HMG20B: variants seen among roughly 807,000 people sequenced by gnomAD.
HMG20B encodes the protein SWI/SNF-related matrix-associated actin-dependent regulator of chromatin subfamily E member 1-related.
HMG20B carries 24 observed loss-of-function variants against 41.6 expected under a neutral mutation model. The ratio of observed to expected loss-of-function variants is 0.58; its 90% confidence interval spans 0.42 to 0.81. The LOEUF (loss-of-function observed/expected upper bound fraction) is 0.81. Ranked by LOEUF, HMG20B falls within the 30% of genes least tolerant of loss-of-function variation. The pLI is 0.00. For synonymous variants in HMG20B, 251 were observed against 186.6 expected, an observed-to-expected ratio of 1.34 and a Z score of -2.81; for missense variants, 461 against 444.0, an observed-to-expected ratio of 1.04 and a Z score of -0.34.
chr19:3,574,293 G>A, intron 3 of HMG20B, 90 bp from the exon 4 acceptor site: 2 of 233,380 alleles, frequency 8.6e-6, no homozygotes, highest in Non-Finnish European at 1.5e-5. Context: ...CCCCATCCCC[G>A]CCCATACGCG....
At chr19:3,573,632 G>T in intron 2 of HMG20B, 60 bp from the exon 3 acceptor site, 1 of 1,397,882 alleles carries the variant, frequency 7.2e-7, no homozygotes, top group South Asian at 1.6e-5. Context: ...GCCCTGGGGT[G>T]GGCTTTTGGG....
At chr19:3,576,806 A>G (rs568480672) in intron 7 of HMG20B, 86 bp from the exon 8 acceptor site, 4 of 1,456,870 alleles carry the variant, frequency 2.7e-6, no homozygotes, top group Non-Finnish European at 3.7e-6. Context: ...AGTGAGGGAA[A>G]CCTGGGCAGG....
chr19:3,575,364 G>A, intron 4 of HMG20B, 176 bp from the exon 5 acceptor site: 2 of 1,058,728 alleles, frequency 1.9e-6, no homozygotes, highest in Non-Finnish European at 2.6e-6. Flanking sequence ...GAAGTGAGGT[G>A]GGAGCTCGGA....
At position 3,577,895 on chromosome 19, in the gene HMG20B, CCT is replaced by C. The variant is rs573887018; in HGVS notation, c.809-85_809-84del. ...ACCTCTGAGCGCCCGCGCGACCCGC[CCT>C]GAGTCACCCCCTACCGCTGCCCCTG... On this transcript the variant is annotated intron_variant, in intron 8 of 9. Transcript: ENST00000333651. 3.9e-4 allele frequency: 508 copies of C among 1,305,108 alleles called. 9 individuals are homozygous for C. In the South Asian group the frequency reaches 6.4e-3, roughly 16 times the overall value. The allele number at this position is 1,305,108 out of a possible 1,614,324, so 80.8% of individuals were successfully genotyped here. A position where few individuals can be genotyped will look rare whatever the true frequency, so the allele number is the denominator to read the frequency against.
intron 7 of HMG20B, 58 bp downstream of exon 7, chr19:3,576,683 C>A (rs1050880638): frequency 3.4e-5 from 51 of 1,499,944 alleles, no homozygotes; most frequent in Non-Finnish European, 4.6e-5. Context: ...TAGAGGGGGG[C>A]GTGGGCCAGG....
chr19:3,576,072 G>T (rs1020673447), intron 5 of HMG20B, 189 bp from the exon 6 acceptor site: 1 of 620,452 alleles, frequency 1.6e-6, no homozygotes, highest in East Asian at 2.8e-5. Flanking sequence ...AGTCCCGTGG[G>T]TTGGGCGGGG....
intron 1 of HMG20B, 128 bp downstream of exon 1, chr19:3,573,122 C>T (rs1408398703): frequency 5.6e-6 from 3 of 534,562 alleles, no homozygotes; most frequent in Non-Finnish European, 9.6e-6. Flanking sequence ...AATCGCCCAA[C>T]AAAGGATTCT....
At chr19:3,574,765 C>T (rs776317399) in intron 4 of HMG20B, among the ~76,000 whole-genome samples, 179 bp downstream of exon 4, 1 of 149,784 alleles carries the variant, frequency 6.7e-6, no homozygotes, top group Non-Finnish European at 1.5e-5. Flanking sequence ...GTTGCCCAGG[C>T]TGGAGTGCAG....
At chr19:3,574,637 C>T (rs1599854402) in intron 4 of HMG20B, 51 bp downstream of exon 4, 5 of 1,473,060 alleles carry the variant, frequency 3.4e-6, no homozygotes, top group Non-Finnish European at 4.6e-6. Flanking sequence ...CGGACTACCC[C>T]CCAGTAGCCC....
rs781250195 is a variant in HMG20B, at chr19:3,576,885, G to A, written c.593-7G>A. 1 of 1,563,512 alleles carries A rather than the reference G, an allele frequency of 6.4e-7. No homozygotes were observed. Among genetic ancestry groups the A allele is most frequent in the Non-Finnish European group, 8.7e-7 (1 of 1,155,706 alleles). On this transcript the variant is annotated splice_region_variant and splice_polypyrimidine_tract_variant and intron_variant, in intron 7 of 9. Coordinates refer to ENST00000333651, the MANE Select transcript of HMG20B (RefSeq NM_006339.3). ...CGCAGGCTTTGACCCCGCTCCCCCC[G>A]GCGCAGCGCGTGAGGCGGAGCTTCG...
chr19:3,576,399 G>A (rs2032163143), intron 6 of HMG20B, 92 bp downstream of exon 6: 1 of 1,427,086 alleles, frequency 7.0e-7, no homozygotes, highest in South Asian at 1.1e-5. Flanking sequence ...GCCCAGATGT[G>A]TGCAAGCAGG....
At position 3,576,908 on chromosome 19, in the gene HMG20B, T is replaced by C. The variant is rs548383620; in HGVS notation, c.609T>C (p.Leu203=). 372 of 1,574,302 alleles carry C rather than the reference T, an allele frequency of 2.4e-4. 1 individual carries two copies. The highest frequency in any genetic ancestry group is 1.8e-3 in the Admixed American group (95 of 53,896). ...LDQNKAREAE[L]RRLRKMNVAF... is the part of the protein sequence containing the mutation. ...CCGGCGCAGCGCGTGAGGCGGAGCT[T>C]CGGCGCTTGCGGAAGATGAATGTGG... The change falls in exon 8 of 10, where the codon CTT becomes CTC. Residue 203 remains leucine (L), a synonymous_variant. Transcript: ENST00000333651.
intron 5 of HMG20B, 144 bp downstream of exon 5, chr19:3,575,804 C>T (rs1190481865): frequency 2.0e-5 from 13 of 662,484 alleles, no homozygotes; most frequent in Non-Finnish European, 2.7e-5. Context: ...ATTACCTGGG[C>T]GTGGTGGCGG....
chr19:3,578,741 C>A lies in HMG20B; in HGVS notation c.*220C>A. 1 of 766,898 alleles carries A rather than the reference C, an allele frequency of 1.3e-6. No individual in the cohort carries two copies. Among genetic ancestry groups the A allele is most frequent in the Non-Finnish European group, 2.3e-6 (1 of 431,024 alleles). The allele number at this position is 766,898 out of a possible 1,614,324, so 47.5% of individuals were successfully genotyped here. A position where few individuals can be genotyped will look rare whatever the true frequency, so the allele number is the denominator to read the frequency against. Reference sequence around the variant, plus strand: ...AAAAAGCACTCGCTGCGCGATACACCCAGAAGAACCTCACAGCCGAGGGTG... The same window carrying A: ...AAAAAGCACTCGCTGCGCGATACACACAGAAGAACCTCACAGCCGAGGGTG... On this transcript the variant is annotated 3_prime_UTR_variant, in exon 10 of 10. Transcript: ENST00000333651.
intron 8 of HMG20B, 134 bp from the exon 9 acceptor site, chr19:3,577,847 G>T (rs959528764): frequency 5.2e-6 from 4 of 771,658 alleles, no homozygotes; most frequent in African/African-American, 1.8e-5. Flanking sequence ...ACCCTGCGCC[G>T]CTCCTGCGCT....
chr19:3,574,257 G>C, intron 3 of HMG20B, 126 bp from the exon 4 acceptor site: 1 of 871,402 alleles, frequency 1.1e-6, no homozygotes, highest in Non-Finnish European at 1.8e-6. Context: ...ATCTTTTCCG[G>C]GTTCTTCCTC....
At position 3,578,714 on chromosome 19, in the gene HMG20B, G is replaced by T; in HGVS notation, c.*193G>T. 2 of 830,042 alleles carry T rather than the reference G, an allele frequency of 2.4e-6. No individual in the cohort carries two copies. Among genetic ancestry groups the T allele is most frequent in the Non-Finnish European group, 2.0e-6 (1 of 493,392 alleles). The allele number at this position is 830,042 out of a possible 1,614,324, so 51.4% of individuals were successfully genotyped here. ...TCAATCTCCCCAGCCCCCTGAACCCGGAAAAAGCACTCGCTGCGCGATACA... is the reference window on the plus strand; with the variant it reads ...TCAATCTCCCCAGCCCCCTGAACCCTGAAAAAGCACTCGCTGCGCGATACA... On this transcript the variant is annotated 3_prime_UTR_variant, in exon 10 of 10. Coordinates refer to ENST00000333651, the MANE Select transcript of HMG20B (RefSeq NM_006339.3).
intron 6 of HMG20B, 99 bp downstream of exon 6, chr19:3,576,406 C>A: frequency 7.1e-7 from 1 of 1,400,850 alleles, no homozygotes; most frequent in Non-Finnish European, 1.0e-6. Context: ...TGTGTGCAAG[C>A]AGGGGCGGTG....
At position 3,574,367 on chromosome 19, in the gene HMG20B, C is replaced by T. The variant is rs1195059225; in HGVS notation, c.148-16C>T. ...ACGCCAGGCCCCCCTCCCAACGACG[C>T]AGCCCGGTTCTGCAGCCGGTGAAGA... On this transcript the variant is annotated splice_polypyrimidine_tract_variant and intron_variant, in intron 3 of 9. Transcript: ENST00000333651. 1 of 1,566,752 alleles carries T rather than the reference C, an allele frequency of 6.4e-7. No homozygotes were observed. The highest frequency in any genetic ancestry group is 1.4e-5 in the African/African-American group (1 of 73,878).
Sources: gnomAD v4.1 joint callset for allele counts (sites outside exome capture counted in the v4.1 genomes callset) on GRCh38, gnomAD v4.1.1 for gene constraint, MANE v1.5 for transcripts, NCBI Gene and HGNC (gene_info 2026-07-23, HGNC 2026-07-21) for gene names.